The following LINGO2 variants were observed in gnomAD, a reference collection of about 807,000 sequenced individuals.
LINGO2 encodes the protein leucine-rich repeat and immunoglobulin-like domain-containing nogo receptor-interacting protein 2.
In LINGO2, 14 loss-of-function variants were observed where a neutral mutation model predicts 30.6. The observed-to-expected ratio is 0.46, with a 90% confidence interval of 0.30 to 0.72. LINGO2 has a LOEUF of 0.72. LINGO2 is among the 30% of genes least tolerant of loss of function. The pLI is 0.07. For missense variants in LINGO2, 729 were observed against 751.7 expected, an observed-to-expected ratio of 0.97 and a Z score of 0.35; for synonymous variants, 317 against 288.5, an observed-to-expected ratio of 1.10 and a Z score of -1.00.
the LINGO2 span, among the ~76,000 whole-genome samples, chr9:28,773,081 T>C: frequency 4.6e-5 from 7 of 152,056 alleles, no homozygotes; most frequent in Non-Finnish European, 1.0e-4. Context: ...GTGACCTACA[T>C]ACGGCCGGGC....
At chr9:28,434,900 C>A (rs1263066316) in intron 2 of LINGO2, among the ~76,000 whole-genome samples, 3 of 152,036 alleles carry the variant, frequency 2.0e-5, no homozygotes, top group African/African-American at 7.2e-5. Flanking sequence ...ACTGATATAA[C>A]CCATGAAGAC....
At chr9:29,170,422 AATAACAGAC>A in the LINGO2 span, among the ~76,000 whole-genome samples, 31 of 152,136 alleles carry the variant, frequency 2.0e-4, no homozygotes, top group Non-Finnish European at 4.0e-4. Flanking sequence ...TACAAAGTGG[AATAACAGAC>A]ATAGGAGACT....
chr9:28,281,928 A>G (rs1182755332), intron 4 of LINGO2, among the ~76,000 whole-genome samples: 1 of 152,120 alleles, frequency 6.6e-6, no homozygotes, highest in Non-Finnish European at 1.5e-5. Flanking sequence ...CCAAACAGGA[A>G]ACAATATTCC....
the LINGO2 span, among the ~76,000 whole-genome samples, chr9:28,790,680 G>A: frequency 6.6e-6 from 1 of 151,974 alleles, no homozygotes; most frequent in Non-Finnish European, 1.5e-5. Context: ...ATCATCACAA[G>A]AAGAAGAGTG....
At chr9:28,019,760 G>T (rs891072257) in intron 4 of LINGO2, among the ~76,000 whole-genome samples, 1 of 151,942 alleles carries the variant, frequency 6.6e-6, no homozygotes, top group Non-Finnish European at 1.5e-5. Context: ...ATATATATGT[G>T]TGTATATATT....
intron 4 of LINGO2, among the ~76,000 whole-genome samples, chr9:28,069,968 A>C (rs1825424648): frequency 6.6e-6 from 1 of 152,194 alleles, no homozygotes; most frequent in Non-Finnish European, 1.5e-5. Flanking sequence ...GGGGCAGCTC[A>C]AGAAGCCGCT....
intron 2 of LINGO2, among the ~76,000 whole-genome samples, chr9:28,412,699 G>A (rs1822815993): frequency 6.6e-6 from 1 of 151,884 alleles, no homozygotes; most frequent in Non-Finnish European, 1.5e-5. Context: ...ATATTTGGTA[G>A]CAAAAAAGAG....
chr9:28,385,992 C>A (rs1821564296), intron 2 of LINGO2, among the ~76,000 whole-genome samples: 2 of 152,128 alleles, frequency 1.3e-5, no homozygotes, highest in Admixed American at 6.6e-5. Context: ...ATGATAGCAG[C>A]AGATAATTGC....
chr9:28,431,029 TGAGAGAGA>T (rs57751993), intron 2 of LINGO2, among the ~76,000 whole-genome samples: 1,519 of 129,446 alleles, frequency 0.012, 40 homozygotes, highest in African/African-American at 0.043. Context: ...GCATGAGTGA[TGAGAGAGA>T]GAGAGAGAGA....
the LINGO2 span, among the ~76,000 whole-genome samples, chr9:29,181,366 C>T: frequency 1.3e-5 from 2 of 151,996 alleles, no homozygotes; most frequent in African/African-American, 2.4e-5. Context: ...TATTATAGTG[C>T]TTAAGTTGAC....
rs1205721628 is a variant in LINGO2, at chr9:28,237,353, AG to A, written c.-87+57854del. On this transcript the variant is annotated intron_variant, in intron 4 of 5. Coordinates refer to ENST00000379992, the Ensembl canonical transcript of LINGO2. ...CCAGAGAAAAATCACATTTATTAAA[AG>A]AAAGATGGGAAGGAAGAAAATAAGG... Among the ~76,000 whole-genome samples, 6 of 152,126 alleles carry A rather than the reference AG, an allele frequency of 3.9e-5. No individual in the cohort carries two copies. In the South Asian group the frequency reaches 1.2e-3, roughly 31 times the overall value.
At chr9:28,375,127 CACACACAT>C (rs1419265198) in intron 2 of LINGO2, among the ~76,000 whole-genome samples, 1,575 of 114,786 alleles carry the variant, frequency 0.014, 22 homozygotes, top group East Asian at 0.084. Context: ...CACACACACA[CACACACAT>C]ACACCCCACA....
the LINGO2 span, among the ~76,000 whole-genome samples, chr9:28,855,895 G>A: frequency 6.6e-5 from 10 of 152,112 alleles, no homozygotes; most frequent in African/African-American, 2.4e-4. Flanking sequence ...TTCTTGCCTA[G>A]GGCAATATTC....
chr9:29,138,242 A>G, the LINGO2 span, among the ~76,000 whole-genome samples: 1 of 152,146 alleles, frequency 6.6e-6, no homozygotes, highest in Non-Finnish European at 1.5e-5. Flanking sequence ...AGTCAATATG[A>G]TAAATCTGCC....
At chr9:28,655,384 G>A (rs904315662) in intron 1 of LINGO2, among the ~76,000 whole-genome samples, 6 of 151,940 alleles carry the variant, frequency 3.9e-5, no homozygotes, top group African/African-American at 7.3e-5. Context: ...TGAATTTACC[G>A]GCTCATAAGC....
chr9:29,066,172 C>A, the LINGO2 span, among the ~76,000 whole-genome samples: 1 of 151,806 alleles, frequency 6.6e-6, no homozygotes, highest in Non-Finnish European at 1.5e-5. Flanking sequence ...TGCTATATTT[C>A]TTAATTCTAA....
the LINGO2 span, among the ~76,000 whole-genome samples, chr9:28,771,928 A>G: frequency 3.3e-5 from 5 of 152,088 alleles, no homozygotes; most frequent in Admixed American, 6.6e-5. Context: ...TATTGACATT[A>G]TCTTTTTATT....
At chr9:28,992,462 C>CAG in the LINGO2 span, among the ~76,000 whole-genome samples, 149,850 of 150,370 alleles carry the variant, frequency 1, 74,669 homozygotes, top group Middle Eastern at 1. Context: ...ATCAATGAGA[C>CAG]AAAGTTAACA....
At chr9:29,143,439 G>A in the LINGO2 span, among the ~76,000 whole-genome samples, 1 of 152,064 alleles carries the variant, frequency 6.6e-6, no homozygotes, top group South Asian at 2.1e-4. Context: ...AATCAAAACA[G>A]TATGCACTTG....
Sources: allele counts gnomAD v4.1 joint callset (sites outside exome capture counted in the v4.1 genomes callset), GRCh38; gene constraint gnomAD v4.1.1; transcripts MANE v1.5; gene names NCBI Gene and HGNC (gene_info 2026-07-23, HGNC 2026-07-21).